The following NUCKS1 variants were observed in gnomAD, a reference collection of about 807,000 sequenced individuals.
NUCKS1 encodes nuclear ubiquitous casein and cyclin-dependent kinase substrate 1.
In NUCKS1, 2 loss-of-function variants were observed where a neutral mutation model predicts 33.0. The observed-to-expected ratio is 0.06, with a 90% CI of 0.02 to 0.19. The LOEUF (loss-of-function observed/expected upper bound fraction) is 0.19. Ranked by LOEUF, NUCKS1 falls within the 10% of genes least tolerant of loss-of-function variation. The pLI is 1.00. For missense variants in NUCKS1, 201 were observed against 293.6 expected (o/e 0.68, Z 2.31); for synonymous variants, 106 against 102.8 (o/e 1.03, Z -0.19).
chr1:205,743,745 C>T (rs1558056415), intron 1 of NUCKS1, among the ~76,000 whole-genome samples: 3 of 152,134 alleles, frequency 2.0e-5, no homozygotes, highest in African/African-American at 4.8e-5. Flanking sequence ...GACCTTGTAA[C>T]ACAACATTAT....
Position 205,718,068 on chromosome 1 carries a change from C to G in NUCKS1, c.*212G>C. The G allele has an allele frequency of 8.9e-7, 1 of 1,126,782 alleles. No homozygotes were observed. The highest frequency in any genetic ancestry group is 1.1e-6 in the Non-Finnish European group (1 of 907,588). 69.8% of individuals were successfully genotyped at this position (1,126,782 alleles called of 1,614,324 possible). ...CAAAAAGGTAACTTAAACACTTACA[C>G]ATACAATGGTTTGCTTTAAAAAAAA... On this transcript the variant is annotated 3_prime_UTR_variant, in exon 7 of 7. Coordinates refer to ENST00000367142, the MANE Select transcript of NUCKS1 (RefSeq NM_022731.5).
intron 1 of NUCKS1, among the ~76,000 whole-genome samples, chr1:205,732,017 C>T (rs1029293990): frequency 6.6e-6 from 1 of 152,092 alleles, no homozygotes; most frequent in African/African-American, 2.4e-5. Flanking sequence ...GATGGTCAGA[C>T]TGCAAACACT....
chr1:205,721,953 C>T (rs539729786), intron 4 of NUCKS1, among the ~76,000 whole-genome samples: 45 of 152,098 alleles, frequency 3.0e-4, no homozygotes, highest in Admixed American at 1.0e-3. Flanking sequence ...GAATTACAGG[C>T]GTGAGCCACT....
chr1:205,721,737 G>A (rs548262867), intron 4 of NUCKS1, among the ~76,000 whole-genome samples: 36 of 150,848 alleles, frequency 2.4e-4, no homozygotes, highest in African/African-American at 8.5e-4. Context: ...GCAATATAGC[G>A]CAATCTCGCC....
At chr1:205,732,031 C>CCA (rs1653927446) in intron 1 of NUCKS1, among the ~76,000 whole-genome samples, 3 of 152,164 alleles carry the variant, frequency 2.0e-5, no homozygotes, top group South Asian at 4.2e-4. Context: ...AAACACTGGT[C>CCA]CACCTTCTAG....
chr1:205,744,459 G>A (rs1335189404), intron 1 of NUCKS1, among the ~76,000 whole-genome samples: 1 of 152,066 alleles, frequency 6.6e-6, no homozygotes, highest in African/African-American at 2.4e-5. Flanking sequence ...GTGAGGAAGT[G>A]ATTTTTTTTC....
At chr1:205,733,038 G>A (rs1653953915) in intron 1 of NUCKS1, among the ~76,000 whole-genome samples, 1 of 152,024 alleles carries the variant, frequency 6.6e-6, no homozygotes, top group Admixed American at 6.6e-5. Context: ...AGAACCAGGG[G>A]AAGAAAGGTA....
At chr1:205,740,493 T>G (rs11240559) in intron 1 of NUCKS1, among the ~76,000 whole-genome samples, 34,143 of 151,770 alleles carry the variant, frequency 0.22, 4,320 homozygotes, top group Admixed American at 0.32. Flanking sequence ...CGCACGCCTG[T>G]AGTCTCAGAT....
In NUCKS1 at chr1:205,750,083, G is replaced by A. The variant is rs1571596548; in HGVS notation, c.-110C>T. 4 of 1,184,902 alleles carry A rather than the reference G, an allele frequency of 3.4e-6. No individual in the cohort carries two copies. In the South Asian group the frequency reaches 4.1e-5, roughly 12 times the overall value. The allele number at this position is 1,184,902 out of a possible 1,614,324, so 73.4% of individuals were successfully genotyped here. A position where few individuals can be genotyped will look rare whatever the true frequency, so the allele number is the denominator to read the frequency against. On this transcript the variant is annotated 5_prime_UTR_variant, in exon 1 of 7. Transcript: ENST00000367142. ...AACTTCAGCCGATGGGACCGCTGCT[G>A]CCGAACCCCGAGCTGCTGGCTTCTC...
Position 205,750,161 on chromosome 1 carries a change from C to G in NUCKS1, c.-188G>C, listed in dbSNP as rs1002240606. ...TCCTGGAACAGACGAGCCCCCCGCT[C>G]CCCCGTCTCTTCAAAATGGATGAAT... On this transcript the variant is annotated 5_prime_UTR_variant, in exon 1 of 7. Coordinates refer to ENST00000367142, the MANE Select transcript of NUCKS1 (RefSeq NM_022731.5). 2 of 632,448 alleles carry G rather than the reference C, an allele frequency of 3.2e-6. No individual in the cohort carries two copies. The highest frequency in any genetic ancestry group is 5.6e-6 in the Non-Finnish European group (2 of 357,992). 39.2% of individuals were successfully genotyped at this position (632,448 alleles called of 1,614,324 possible).
At position 205,715,820 on chromosome 1, in the gene NUCKS1, CCAGT is replaced by C. The variant is rs1446898571; in HGVS notation, c.*2456_*2459del. On this transcript the variant is annotated 3_prime_UTR_variant, in exon 7 of 7. Coordinates refer to ENST00000367142, the MANE Select transcript of NUCKS1 (RefSeq NM_022731.5). ...GGTTAGTCAAGGATGGTGCCAATGGCCAGTCAGTATCGGCTTACAGCTTGTAATG... is the reference window on the plus strand; with the variant it reads ...GGTTAGTCAAGGATGGTGCCAATGGCCAGTATCGGCTTACAGCTTGTAATG... 6 of 152,178 alleles carry C rather than the reference CCAGT, an allele frequency of 3.9e-5. No individual in the cohort carries two copies. 9.4% of individuals were successfully genotyped at this position (152,178 alleles called of 1,614,324 possible).
Position 205,723,988 on chromosome 1 carries a change from A to G in NUCKS1, c.174-7T>C. On this transcript the variant is annotated splice_region_variant and splice_polypyrimidine_tract_variant and intron_variant, in intron 3 of 6. Transcript: ENST00000367142. ...TTTGTCTTCTGAGTCCTCACTATAA[A>G]GGGAGGCAAAAAAGCAAATGCATAA... is the stretch of plus-strand genomic sequence containing the variant. 6.2e-7 allele frequency: 1 copy of G among 1,610,082 alleles called. No homozygotes were observed. The highest frequency in any genetic ancestry group is 8.5e-7 in the Non-Finnish European group (1 of 1,176,508).
intron 3 of NUCKS1, among the ~76,000 whole-genome samples, chr1:205,726,564 A>T (rs1653782041): frequency 6.6e-6 from 1 of 152,246 alleles, no homozygotes; most frequent in Admixed American, 6.5e-5. Context: ...TTCTTAGAAG[A>T]AGCAGTGAGA....
chr1:205,734,988 C>T (rs79473334), intron 1 of NUCKS1, among the ~76,000 whole-genome samples: 3,122 of 152,262 alleles, frequency 0.021, 44 homozygotes, highest in African/African-American at 0.028. Context: ...ATTTCCACCA[C>T]TTAAAGGCTT....
At chr1:205,732,771 C>G (rs1191754320) in intron 1 of NUCKS1, among the ~76,000 whole-genome samples, 1 of 31,050 alleles carries the variant, frequency 3.2e-5, no homozygotes, top group African/African-American at 1.1e-4. Context: ...CAGAGCAAGA[C>G]TCTGTCTCAA....
chr1:205,746,476 CACACACACACACTA>C (rs1453859074), intron 1 of NUCKS1, among the ~76,000 whole-genome samples: 20 of 146,556 alleles, frequency 1.4e-4, no homozygotes, highest in Non-Finnish European at 1.7e-4. Context: ...CACACACACA[CACACACACACACTA>C]GAGAATAAGA....
rs1461482244 is a variant in NUCKS1, at chr1:205,718,439, G to A, written c.573C>T (p.Arg191=). 1 of 1,612,316 alleles carries A rather than the reference G, an allele frequency of 6.2e-7. No individual in the cohort carries two copies. The highest frequency in any genetic ancestry group is 2.2e-5 in the East Asian group (1 of 44,868). The part of the protein sequence containing the change: ...SPVKGKGKVG[R]PTASKASKEK... ...CCTTTGATGCCTTTGAAGCTGTGGGGCGACCCACTTTCCCTTTGCCTTTCA... is the reference window on the plus strand; with the variant it reads ...CCTTTGATGCCTTTGAAGCTGTGGGACGACCCACTTTCCCTTTGCCTTTCA... Residue 191 remains arginine, a synonymous_variant, in exon 7 of 7, where the codon CGC becomes CGT. Transcript: ENST00000367142.
chr1:205,739,924 T>G (rs1199535593), intron 1 of NUCKS1, among the ~76,000 whole-genome samples: 1 of 151,628 alleles, frequency 6.6e-6, no homozygotes, highest in African/African-American at 2.4e-5. Flanking sequence ...TCATTTATCT[T>G]GACCTTCAAG....
In NUCKS1 at chr1:205,717,896, G is replaced by C. The variant is rs1030767572; in HGVS notation, c.*384C>G. ...TTGCTATTTTTTAGCAAAAAGCGAA[G>C]TTTCAATAGTGTTCATCTCAAATCT... On this transcript the variant is annotated 3_prime_UTR_variant, in exon 7 of 7. Coordinates refer to ENST00000367142, the MANE Select transcript of NUCKS1 (RefSeq NM_022731.5). 1 of 989,446 alleles carries C rather than the reference G, an allele frequency of 1.0e-6. No homozygotes were observed. Among genetic ancestry groups the C allele is most frequent in the Non-Finnish European group, 1.2e-6 (1 of 832,688 alleles). 61.3% of individuals were successfully genotyped at this position (989,446 alleles called of 1,614,324 possible). A position where few individuals can be genotyped will look rare whatever the true frequency, so the allele number is the denominator to read the frequency against.
Sources: allele counts gnomAD v4.1 joint callset (sites outside exome capture counted in the v4.1 genomes callset), GRCh38; gene constraint gnomAD v4.1.1; transcripts MANE v1.5; gene names NCBI Gene and HGNC (gene_info 2026-07-23, HGNC 2026-07-21).